The following MED13 variants were observed in gnomAD, a reference collection of about 807,000 sequenced individuals.
The protein encoded by MED13 is mediator of RNA polymerase II transcription subunit 13.
MED13 carries 23 observed loss-of-function variants against 225.2 expected under a neutral mutation model. The observed-to-expected ratio is 0.10, with a 90% CI of 0.07 to 0.14. The LOEUF (loss-of-function observed/expected upper bound fraction) is 0.14, where lower values mean the gene tolerates loss of function less well. MED13 is among the 10% of genes least tolerant of loss of function. MED13 has a pLI of 1.00. For missense variants in MED13, 2,197 were observed against 2,594.5 expected (o/e 0.85, Z 3.33); for synonymous variants, 942 against 889.2 (o/e 1.06, Z -1.06).
chr17:61,988,609 A>G (rs775110745), intron 11 of MED13, among the ~76,000 whole-genome samples: 1 of 152,198 alleles, frequency 6.6e-6, no homozygotes, highest in Non-Finnish European at 1.5e-5. Context: ...AATGTAGCAT[A>G]TGTCTCACAT....
At chr17:61,999,849 G>A (rs2080378830) in intron 9 of MED13, among the ~76,000 whole-genome samples, 2 of 152,102 alleles carry the variant, frequency 1.3e-5, no homozygotes, top group South Asian at 4.1e-4. Context: ...CGGAGACCAG[G>A]AGTTCAAGAC....
rs766909961 is a variant in MED13, at chr17:62,008,317, C to CAAAAAAAAAAAAAAA, written c.1967+2218_1967+2232dup. Among the ~76,000 whole-genome samples the CAAAAAAAAAAAAAAA allele has an allele frequency of 6.6e-4, 22 of 33,208 alleles. 2 individuals carry two copies. The highest frequency in any genetic ancestry group is 9.7e-4 in the African/African-American group (9 of 9,326). 21.8% of individuals were successfully genotyped at this position (33,208 alleles called of 152,430 possible). A position where few individuals can be genotyped will look rare whatever the true frequency, so the allele number is the denominator to read the frequency against. The stretch of plus-strand genomic sequence containing the variant: ...TGGGCCACAGAGCGAGGCTCTGTCT[C>CAAAAAAAAAAAAAAA]AAAAAAAAAAAAAAAAAAAAAAAAA... On this transcript the variant is annotated intron_variant, in intron 9 of 29. Transcript: ENST00000397786.
chr17:62,041,190 C>A (rs2080849360), intron 3 of MED13, among the ~76,000 whole-genome samples: 1 of 152,200 alleles, frequency 6.6e-6, no homozygotes, highest in African/African-American at 2.4e-5. Context: ...CAACGGAATA[C>A]TATTCAGCCT....
intron 5 of MED13, 55 bp from the exon 6 acceptor site, chr17:62,031,693 A>T: frequency 8.3e-7 from 1 of 1,200,902 alleles, no homozygotes; most frequent in Non-Finnish European, 1.1e-6. Context: ...CTAGTGAATT[A>T]GTTTCACTCA....
intron 8 of MED13, among the ~76,000 whole-genome samples, chr17:62,024,432 C>G (rs2080679833): frequency 6.6e-6 from 1 of 152,196 alleles, no homozygotes; most frequent in African/African-American, 2.4e-5. Context: ...AGACAAAATA[C>G]TTAAAATCCA....
intron 28 of MED13, among the ~76,000 whole-genome samples, chr17:61,947,671 A>C (rs2079861968): frequency 6.6e-6 from 1 of 152,236 alleles, no homozygotes; most frequent in Admixed American, 6.5e-5. Context: ...GAACACTCTA[A>C]GTAATACAGT....
At chr17:61,966,835 G>T (rs1232679805) in intron 18 of MED13, among the ~76,000 whole-genome samples, 184 bp from the exon 19 acceptor site, 1 of 151,926 alleles carries the variant, frequency 6.6e-6, no homozygotes, top group African/African-American at 2.4e-5. Context: ...AGGGTGAAAT[G>T]GTGCCATAGG....
chr17:61,963,037 G>A lies in MED13; in HGVS notation c.4845-66C>T, dbSNP rs111490240. On this transcript the variant is annotated intron_variant, in intron 20 of 29. Transcript: ENST00000397786. ...ATATGCTTGGGGTAGCATCTAAGCA[G>A]GTTCTTAATATCCCCCTCCTCCCTC... 7.2e-5 allele frequency: 95 copies of A among 1,323,508 alleles called. No individual in the cohort carries two copies. The African/African-American group carries it at 1.1e-3, about 16-fold the overall frequency. 82.0% of individuals were successfully genotyped at this position (1,323,508 alleles called of 1,614,324 possible).
At chr17:62,014,169 T>TAC (rs1270018199) in intron 8 of MED13, among the ~76,000 whole-genome samples, 1 of 151,984 alleles carries the variant, frequency 6.6e-6, no homozygotes, top group Non-Finnish European at 1.5e-5. Flanking sequence ...CGTAACATAA[T>TAC]ACAAAGCAAC....
At chr17:61,966,097 C>CTATAAAT (rs1356364295) in intron 19 of MED13, among the ~76,000 whole-genome samples, 1 of 152,172 alleles carries the variant, frequency 6.6e-6, no homozygotes, top group Non-Finnish European at 1.5e-5. Flanking sequence ...TAGAGATTAA[C>CTATAAAT]TATAAATTAT....
At chr17:61,977,350 G>A (rs2080166068) in intron 16 of MED13, among the ~76,000 whole-genome samples, 1 of 152,154 alleles carries the variant, frequency 6.6e-6, no homozygotes, top group Non-Finnish European at 1.5e-5. Flanking sequence ...TATCCAAGAG[G>A]GAGGAAACAT....
rs142933074 is a variant in MED13, at chr17:61,951,131, G to GA, written c.6118-134dup. On this transcript the variant is annotated intron_variant, in intron 27 of 29. Coordinates refer to ENST00000397786, the MANE Select transcript of MED13 (RefSeq NM_005121.3). The stretch of plus-strand genomic sequence containing the variant: ...ATTTAATAAAATACTGAAGGATATT[G>GA]AAAAAAAACCAGTTTCTATGTACTT... The GA allele has an allele frequency of 1.4e-3, 834 of 610,468 alleles. 1 individual carries two copies. Among genetic ancestry groups the GA allele is most frequent in the Middle Eastern group, 2.0e-3 (4 of 1,980 alleles). 37.8% of individuals were successfully genotyped at this position (610,468 alleles called of 1,614,324 possible).
At chr17:62,027,407 T>G (rs1439235213) in intron 8 of MED13, among the ~76,000 whole-genome samples, 1 of 152,192 alleles carries the variant, frequency 6.6e-6, no homozygotes, top group Admixed American at 6.6e-5. Flanking sequence ...ATCGGACCCC[T>G]TCCTTAATAC....
chr17:62,026,860 A>G (rs2080707556), intron 8 of MED13, among the ~76,000 whole-genome samples: 1 of 152,144 alleles, frequency 6.6e-6, no homozygotes, highest in Non-Finnish European at 1.5e-5. Context: ...GAGTAAAATA[A>G]CTGGGAATAC....
At chr17:61,970,378 A>G (rs1485201709) in intron 17 of MED13, among the ~76,000 whole-genome samples, 1 of 151,986 alleles carries the variant, frequency 6.6e-6, no homozygotes, top group Non-Finnish European at 1.5e-5. Flanking sequence ...AACTGGTGGG[A>G]ATTCAAACTG....
intron 20 of MED13, among the ~76,000 whole-genome samples, chr17:61,963,983 A>G (rs1398332397): frequency 6.6e-6 from 1 of 152,210 alleles, no homozygotes; most frequent in Non-Finnish European, 1.5e-5. Flanking sequence ...CAGATAAGAA[A>G]ACATGCTCAG....
At chr17:61,998,829 G>A (rs1375090784) in intron 9 of MED13, among the ~76,000 whole-genome samples, 1 of 151,388 alleles carries the variant, frequency 6.6e-6, no homozygotes, top group Non-Finnish European at 1.5e-5. Context: ...GAACTCCTGG[G>A]CTCAAGTGAT....
chr17:62,034,119 A>G (rs999481468), intron 4 of MED13, 135 bp from the exon 5 acceptor site: 4 of 697,536 alleles, frequency 5.7e-6, no homozygotes, highest in African/African-American at 5.4e-5. Flanking sequence ...TCCAGAGAAA[A>G]ATCAACTTAT....
At chr17:62,049,315 A>G (rs2080933278) in intron 3 of MED13, among the ~76,000 whole-genome samples, 1 of 152,190 alleles carries the variant, frequency 6.6e-6, no homozygotes. Context: ...TACTTCTAAT[A>G]GATAGTCTAC....
Sources: gnomAD v4.1 joint callset for allele counts (sites outside exome capture counted in the v4.1 genomes callset) on GRCh38, gnomAD v4.1.1 for gene constraint, MANE v1.5 for transcripts, NCBI Gene and HGNC (gene_info 2026-07-23, HGNC 2026-07-21) for gene names.